SPEF2: variants seen among roughly 807,000 people sequenced by gnomAD.
SPEF2 encodes sperm flagella and cilia-associated protein 2.
A neutral mutation model predicts 224.6 loss-of-function variants in SPEF2; 187 were observed. The ratio of observed to expected loss-of-function variants is 0.83; its 90% CI spans 0.74 to 0.94. The LOEUF is 0.94. Ranked by LOEUF, SPEF2 falls within the 40% of genes least tolerant of loss-of-function variation. The pLI, the probability that SPEF2 is intolerant of heterozygous loss-of-function variation, is 0.00. For synonymous variants in SPEF2, 715 were observed against 707.3 expected (o/e 1.01, Z -0.17); for missense variants, 2,170 against 2,135.6 (o/e 1.02, Z -0.32).
At chr5:35,665,245 C>T (rs1013256062) in intron 8 of SPEF2, among the ~76,000 whole-genome samples, 2 of 152,120 alleles carry the variant, frequency 1.3e-5, no homozygotes, top group African/African-American at 4.8e-5. Flanking sequence ...ATTTTAGAGT[C>T]CAGGCTCATA....
At chr5:35,708,694 A>C in intron 18 of SPEF2, among the ~76,000 whole-genome samples, 1 of 534 alleles carries the variant, frequency 1.9e-3, no homozygotes, top group African/African-American at 6.3e-3. Flanking sequence ...TACCTCCATC[A>C]CCATCACCAC....
At chr5:35,773,147 A>T (rs1479144136) in intron 27 of SPEF2, among the ~76,000 whole-genome samples, 2 of 152,140 alleles carry the variant, frequency 1.3e-5, no homozygotes, top group African/African-American at 4.8e-5. Context: ...GGAGGCCAAG[A>T]CAGGTGGACT....
intron 36 of SPEF2, among the ~76,000 whole-genome samples, chr5:35,812,292 A>G (rs1047302667): frequency 6.6e-6 from 1 of 152,168 alleles, no homozygotes; most frequent in African/African-American, 2.4e-5. Context: ...GTGCAGTGCC[A>G]TGATGATAAA....
intron 26 of SPEF2, 114 bp from the exon 27 acceptor site, chr5:35,771,495 A>C: frequency 1.5e-6 from 2 of 1,308,900 alleles, no homozygotes; most frequent in Non-Finnish European, 2.0e-6. Context: ...GTACGTGGGC[A>C]CAATTGTTTA....
At chr5:35,660,904 A>C (rs1296488314) in intron 8 of SPEF2, among the ~76,000 whole-genome samples, 1 of 152,078 alleles carries the variant, frequency 6.6e-6, no homozygotes, top group East Asian at 1.9e-4. Flanking sequence ...AGAGACCTAA[A>C]TTGTGAGGTT....
chr5:35,641,348 G>A, intron 2 of SPEF2, 83 bp from the exon 3 acceptor site: 1 of 1,418,794 alleles, frequency 7.0e-7, no homozygotes, highest in African/African-American at 1.4e-5. Context: ...CAAAATATTG[G>A]ATAATGATAA....
intron 32 of SPEF2, among the ~76,000 whole-genome samples, chr5:35,793,800 G>A (rs1756292696): frequency 6.6e-6 from 1 of 151,726 alleles, no homozygotes; most frequent in African/African-American, 2.4e-5. Context: ...TCTTTGGGGT[G>A]AGAGGGTGAT....
At chr5:35,659,759 A>G (rs1749454396) in intron 8 of SPEF2, among the ~76,000 whole-genome samples, 1 of 151,436 alleles carries the variant, frequency 6.6e-6, no homozygotes, top group African/African-American at 2.4e-5. Context: ...TTTTTTCTTT[A>G]AAAGTTCACT....
chr5:35,638,211 C>G, intron 2 of SPEF2, among the ~76,000 whole-genome samples: 1 of 152,126 alleles, frequency 6.6e-6, no homozygotes, highest in East Asian at 1.9e-4. Flanking sequence ...CTAGTAAATT[C>G]TACAGATAAA....
chr5:35,724,329 C>A (rs1365601265), intron 20 of SPEF2, among the ~76,000 whole-genome samples: 1 of 152,076 alleles, frequency 6.6e-6, no homozygotes, highest in Non-Finnish European at 1.5e-5. Context: ...AATAATATTT[C>A]TGCTCTTAAG....
intron 8 of SPEF2, among the ~76,000 whole-genome samples, chr5:35,661,254 TTATATATATATATA>T (rs550178866): frequency 0.028 from 2,611 of 93,948 alleles, 136 homozygotes; most frequent in African/African-American, 0.087. Flanking sequence ...TTGGTATATA[TTATATATATATATA>T]TATATATATA....
chr5:35,709,957 TC>T (rs1458686373), intron 19 of SPEF2: 44 of 984,534 alleles, frequency 4.5e-5, no homozygotes, highest in Non-Finnish European at 5.2e-5. Flanking sequence ...AACTCTATAG[TC>T]TTTCTGCCTC....
intron 3 of SPEF2, among the ~76,000 whole-genome samples, chr5:35,642,595 A>T (rs1746756974): frequency 6.6e-6 from 1 of 152,178 alleles, no homozygotes; most frequent in Admixed American, 6.6e-5. Flanking sequence ...GTACTCATTA[A>T]ATGTGTTATT....
intron 25 of SPEF2, among the ~76,000 whole-genome samples, chr5:35,761,257 TTTG>T (rs1300487997): frequency 6.6e-6 from 1 of 152,190 alleles, no homozygotes; most frequent in Admixed American, 6.5e-5. Context: ...AGACAATTTA[TTTG>T]TTGTCAAGTC....
intron 26 of SPEF2, among the ~76,000 whole-genome samples, chr5:35,770,849 G>T (rs1580670235): frequency 6.6e-6 from 1 of 151,864 alleles, no homozygotes; most frequent in East Asian, 1.9e-4. Flanking sequence ...GAGAATGAAA[G>T]GAGGCACTTG....
intron 21 of SPEF2, among the ~76,000 whole-genome samples, chr5:35,731,156 T>C (rs933588393): frequency 2.0e-5 from 3 of 152,164 alleles, no homozygotes; most frequent in African/African-American, 7.2e-5. Context: ...CCAGCTTGGG[T>C]AACCTGAAAT....
At chr5:35,803,694 C>A (rs1757731449) in intron 34 of SPEF2, among the ~76,000 whole-genome samples, 1 of 152,322 alleles carries the variant, frequency 6.6e-6, no homozygotes, top group Non-Finnish European at 1.5e-5. Context: ...GTTTCCTGGG[C>A]AACCCTGTCC....
At position 35,641,614 on chromosome 5, in the gene SPEF2, G is replaced by A. The variant is rs1390580337; in HGVS notation, c.345G>A (p.Val115=). 4 of 1,613,464 alleles carry A rather than the reference G, an allele frequency of 2.5e-6. No homozygotes were observed. The highest frequency in any genetic ancestry group is 2.7e-5 in the African/African-American group (2 of 74,832). Reference sequence around the variant, plus strand: ...AGAAGAAAAGTGGACTGACTGGAGTGGAGATGCAAACCATGCAACGTCTGA... The same window carrying A: ...AGAAGAAAAGTGGACTGACTGGAGTAGAGATGCAAACCATGCAACGTCTGA... The part of the protein sequence containing the change: ...QKKKKSGLTG[V]EMQTMQRLTN... Residue 115 remains valine, a synonymous_variant, in exon 3 of 37, where the codon GTG becomes GTA. Coordinates refer to ENST00000356031, the MANE Select transcript of SPEF2 (RefSeq NM_024867.4).
intron 20 of SPEF2, among the ~76,000 whole-genome samples, chr5:35,725,377 G>T (rs941004626): frequency 5.3e-5 from 8 of 152,058 alleles, no homozygotes; most frequent in Non-Finnish European, 1.2e-4. Flanking sequence ...AGTCCTAGAG[G>T]ATATATTTTG....
Sources: gnomAD v4.1 joint callset for allele counts (sites outside exome capture counted in the v4.1 genomes callset) on GRCh38, gnomAD v4.1.1 for gene constraint, MANE v1.5 for transcripts, NCBI Gene and HGNC (gene_info 2026-07-23, HGNC 2026-07-21) for gene names.